Variants in SLC12A9 observed in about 807,000 individuals in gnomAD.
SLC12A9 encodes the protein CCC-interacting protein 1.
A neutral mutation model predicts 66.0 loss-of-function variants in SLC12A9; 55 were observed. The ratio of observed to expected loss-of-function variants is 0.83; its 90% CI spans 0.67 to 1.04. The LOEUF is 1.04. SLC12A9 is among the 50% of genes least tolerant of loss of function. SLC12A9 has a pLI of 0.00. For missense variants in SLC12A9, 1,061 were observed against 1,241.9 expected (o/e 0.85, Z 2.19); for synonymous variants, 577 against 569.0 (o/e 1.01, Z -0.20).
At chr7:100,835,754 C>G (rs1248737912) in intron 1 of SLC12A9, among the ~76,000 whole-genome samples, 1 of 152,162 alleles carries the variant, frequency 6.6e-6, no homozygotes, top group African/African-American at 2.4e-5. Flanking sequence ...CTCCCTAGTG[C>G]TGGGGATAGA....
Position 100,854,717 on chromosome 7 carries a change from C to T in SLC12A9, c.279C>T (p.Ile93=), listed in dbSNP as rs762248920. The T allele has an allele frequency of 5.2e-5, 84 of 1,613,900 alleles. No homozygotes were observed. The highest frequency in any genetic ancestry group is 6.9e-5 in the Non-Finnish European group (82 of 1,180,010). The change falls in exon 3 of 14, where the codon ATC becomes ATT. Residue 93 remains isoleucine, a synonymous_variant. Transcript: ENST00000354161. ...TCACCGTCCTCTCTGTCTGTGCCAT[C>T]GCCACCAATGGAGCCGTGCAGGGGG... ...LALTVLSVCA[I]ATNGAVQGGG... is the part of the protein sequence containing the mutation.
chr7:100,848,958 T>C (rs1286098381), upstream of SLC12A9, among the ~76,000 whole-genome samples: 1 of 150,538 alleles, frequency 6.6e-6, no homozygotes, highest in Non-Finnish European at 1.5e-5. Context: ...ACAACTAATA[T>C]AAGGAGAGTT....
At chr7:100,842,439 A>G (rs2116530151) in intron 1 of SLC12A9, among the ~76,000 whole-genome samples, 1 of 152,320 alleles carries the variant, frequency 6.6e-6, no homozygotes, top group South Asian at 2.1e-4. Context: ...CAGACTGGGC[A>G]TTAGTAAACT....
chr7:100,843,231 C>T (rs559145585), intron 1 of SLC12A9, among the ~76,000 whole-genome samples: 32 of 152,298 alleles, frequency 2.1e-4, no homozygotes, highest in African/African-American at 7.0e-4. Flanking sequence ...CATTGTAAAG[C>T]GAGAGAAGCC....
rs759478122 is a variant in SLC12A9 at position 100,860,184 on chromosome 7, AG to A, written c.1175del (p.Gly392GlufsTer23). On this transcript the variant is annotated frameshift_variant, in exon 9 of 14. Coordinates refer to ENST00000354161, the MANE Select transcript of SLC12A9 (RefSeq NM_020246.4). LOFTEE classifies it high-confidence loss of function. ...TGGCACCGGCCAAGGTTGTGTCCCG[AG>A]GGGGAAACCCCTGGGCAGCTGTACT... ...ILAPAKVVSR[G>X]GNPWAAVLYS... 10 of 1,614,018 alleles carry A rather than the reference AG, an allele frequency of 6.2e-6. No homozygotes were observed. The highest frequency in any genetic ancestry group is 7.6e-6 in the Non-Finnish European group (9 of 1,180,040).
chr7:100,841,854 A>G (rs1012713796), intron 1 of SLC12A9, among the ~76,000 whole-genome samples: 2 of 152,208 alleles, frequency 1.3e-5, no homozygotes, highest in Middle Eastern at 3.2e-3. Context: ...AAAAGGCACT[A>G]AGGACTATAA....
intron 13 of SLC12A9, chr7:100,865,344 C>T (rs1254201888): frequency 2.6e-6 from 4 of 1,535,820 alleles, no homozygotes; most frequent in Non-Finnish European, 3.5e-6. Context: ...ATCAGGGTGT[C>T]TGGTTTGCAC....
chr7:100,828,963 A>G (rs1813487876), intron 1 of SLC12A9, among the ~76,000 whole-genome samples: 1 of 150,202 alleles, frequency 6.7e-6, no homozygotes, highest in South Asian at 2.1e-4. Flanking sequence ...AAGGACTTAG[A>G]CTCCCACAGT....
intron 1 of SLC12A9, among the ~76,000 whole-genome samples, chr7:100,844,267 G>A (rs1813855443): frequency 6.6e-6 from 1 of 152,118 alleles, no homozygotes; most frequent in South Asian, 2.1e-4. Context: ...ATGTTATTCT[G>A]TACAAGGTAT....
intron 5 of SLC12A9, 79 bp downstream of exon 5, chr7:100,857,255 A>T: frequency 1.4e-6 from 2 of 1,460,030 alleles, no homozygotes; most frequent in East Asian, 2.3e-5. Flanking sequence ...AAACCTCTGG[A>T]TGAGCACAGG....
At chr7:100,855,375 G>A (rs1303663275) in intron 3 of SLC12A9, 2 of 303,900 alleles carry the variant, frequency 6.6e-6, no homozygotes, top group Non-Finnish European at 1.3e-5. Flanking sequence ...TCCTGCCTCA[G>A]CCTCCCAAAA....
At chr7:100,836,484 C>A (rs746671649) in intron 1 of SLC12A9, among the ~76,000 whole-genome samples, 4 of 152,148 alleles carry the variant, frequency 2.6e-5, no homozygotes, top group African/African-American at 9.7e-5. Context: ...ACCCACCCCC[C>A]GCTCCATTCC....
Position 100,854,635 on chromosome 7 carries a change from A to T in SLC12A9, c.197A>T (p.His66Leu). Residue 66 changes from histidine to leucine, a missense_variant, in exon 3 of 14, where the codon CAT becomes CTT. By Grantham distance (99) the His-to-Leu change is moderately conservative. Transcript: ENST00000354161. ...VFLRIGFVVG[H>L]AGLLQALAML... ...CCTGCCTCAGGGTTCGTGGTGGGTC[A>T]TGCTGGGCTACTGCAGGCCCTGGCC... is the stretch of plus-strand genomic sequence containing the variant. 6.2e-7 allele frequency: 1 copy of T among 1,614,064 alleles called. No individual in the cohort carries two copies. Among genetic ancestry groups the T allele is most frequent in the South Asian group, 1.1e-5 (1 of 91,078 alleles).
chr7:100,862,450 GT>G (rs1814816411), intron 12 of SLC12A9, among the ~76,000 whole-genome samples: 1 of 152,142 alleles, frequency 6.6e-6, no homozygotes, highest in African/African-American at 2.4e-5. Flanking sequence ...GTCTCTTTAT[GT>G]TTCCCAGGCT....
chr7:100,857,175 C>A lies in SLC12A9; in HGVS notation c.756C>A (p.Gly252=). 6.2e-7 allele frequency: 1 copy of A among 1,607,632 alleles called. No homozygotes were observed. Among genetic ancestry groups the A allele is most frequent in the Non-Finnish European group, 8.5e-7 (1 of 1,175,398 alleles). ...FNSSTLKDNL[G]AGYAEDYTTG... ...GCAGTACCCTGAAGGACAACTTGGG[C>A]GGTGAGCTGGGTGCTGCCGTGGCAG... The change falls in exon 5 of 14, where the codon GGC becomes GGA. Residue 252 remains glycine (G), a splice_region_variant and synonymous_variant. Coordinates refer to ENST00000354161, the MANE Select transcript of SLC12A9 (RefSeq NM_020246.4).
At position 100,864,237 on chromosome 7, in the gene SLC12A9, TC is replaced by T. The variant is rs1206721006; in HGVS notation, c.1858+1412del. On this transcript the variant is annotated intron_variant, in intron 13 of 13. Coordinates refer to ENST00000354161, the MANE Select transcript of SLC12A9 (RefSeq NM_020246.4). ...GGACTACAGATATACGCCAGCATTG[TC>T]CGGCTAATTTTTGTATATTTTTGGT... Among the ~76,000 whole-genome samples the T allele has an allele frequency of 2.0e-5, 3 of 152,012 alleles. No individual in the cohort carries two copies. The East Asian group carries it at 5.8e-4, about 29-fold the overall frequency.
intron 1 of SLC12A9, among the ~76,000 whole-genome samples, chr7:100,844,833 C>T (rs954957836): frequency 1.3e-5 from 2 of 152,116 alleles, no homozygotes; most frequent in African/African-American, 4.8e-5. Context: ...TCTCCTGAGC[C>T]AGTATTTCAA....
upstream of SLC12A9, among the ~76,000 whole-genome samples, chr7:100,850,919 C>CTTAGTAGAG (rs1814055752): frequency 6.6e-6 from 1 of 152,058 alleles, no homozygotes; most frequent in Non-Finnish European, 1.5e-5. Context: ...GGGGTATCAC[C>CTTAGTAGAG]ATGTTGGCCA....
Position 100,861,048 on chromosome 7 carries a change from G to C in SLC12A9, c.1219-90G>C, listed in dbSNP as rs774947385. Reference sequence around the variant, plus strand: ...ACTTTCTGGGGCTCATTGACACTTTGGGGTACACTGGCATTCTTTGGTGTT... The same window carrying C: ...ACTTTCTGGGGCTCATTGACACTTTCGGGTACACTGGCATTCTTTGGTGTT... On this transcript the variant is annotated intron_variant, in intron 9 of 13. Transcript: ENST00000354161. This position sits in a 1 kb window ranked among gnomAD's most constrained non-coding sequence, Gnocchi z 5.3. The C allele has an allele frequency of 1.9e-6, 3 of 1,602,712 alleles. No individual in the cohort carries two copies. Among genetic ancestry groups the C allele is most frequent in the Non-Finnish European group, 2.6e-6 (3 of 1,173,596 alleles).
Sources: gnomAD v4.1 joint callset for allele counts (sites outside exome capture counted in the v4.1 genomes callset) on GRCh38, gnomAD v4.1.1 for gene constraint, Gnocchi (gnomAD v3.1) non-coding constraint, MANE v1.5 for transcripts, NCBI Gene and HGNC (gene_info 2026-07-23, HGNC 2026-07-21) for gene names.